GRK5: variants seen among roughly 807,000 people sequenced by gnomAD.
The protein encoded by GRK5 is g protein-coupled receptor kinase GRK5.
A neutral mutation model predicts 78.4 loss-of-function variants in GRK5; 40 were observed. The ratio of observed to expected loss-of-function variants is 0.51; its 90% CI spans 0.40 to 0.66. The LOEUF is 0.66. Ranked by LOEUF, GRK5 falls within the 30% of genes least tolerant of loss-of-function variation. GRK5 has a pLI of 0.00. For synonymous variants in GRK5, 289 were observed against 296.8 expected (o/e 0.97, Z 0.27); for missense variants, 598 against 759.9 (o/e 0.79, Z 2.50).
In GRK5 at chr10:119,396,810, G is replaced by A. The variant is rs765369530; in HGVS notation, c.339+38G>A. On this transcript the variant is annotated intron_variant, in intron 4 of 15. Transcript: ENST00000392870. ...CCAAACCCCACAGCAGGTGGCACAG[G>A]AGGCCTTATGCAAAAATAGGAGCCC... 35 of 1,499,864 alleles carry A rather than the reference G, an allele frequency of 2.3e-5. No individual in the cohort carries two copies. The Admixed American group carries it at 5.5e-4, about 24-fold the overall frequency. The allele number at this position is 1,499,864 out of a possible 1,614,324, so 92.9% of individuals were successfully genotyped here. A position where few individuals can be genotyped will look rare whatever the true frequency, so the allele number is the denominator to read the frequency against.
chr10:119,289,869 C>T (rs367734242), intron 1 of GRK5, among the ~76,000 whole-genome samples: 137 of 152,298 alleles, frequency 9.0e-4, no homozygotes, highest in African/African-American at 3.1e-3. Context: ...TGTCAGGATA[C>T]GCCTGACACA....
At chr10:119,252,536 A>G (rs1849220977) in intron 1 of GRK5, among the ~76,000 whole-genome samples, 1 of 152,084 alleles carries the variant, frequency 6.6e-6, no homozygotes, top group Non-Finnish European at 1.5e-5. Flanking sequence ...AGACCTGGGC[A>G]TGGTTTTAGT....
chr10:119,402,122 T>C lies in GRK5; in HGVS notation c.339+5350T>C, dbSNP rs138983175. Among the ~76,000 whole-genome samples, 384 of 152,302 alleles carry C rather than the reference T, an allele frequency of 2.5e-3. 1 individual carries two copies. Among genetic ancestry groups the C allele is most frequent in the African/African-American group, 8.6e-3 (356 of 41,566 alleles). On this transcript the variant is annotated intron_variant, in intron 4 of 15. Coordinates refer to ENST00000392870, the MANE Select transcript of GRK5 (RefSeq NM_005308.3). Reference sequence around the variant, plus strand: ...CAACACTCATCACTTCCTCTCGCAGTCCATGGCCAGTGGGGAGGCTGGGAA... The same window carrying C: ...CAACACTCATCACTTCCTCTCGCAGCCCATGGCCAGTGGGGAGGCTGGGAA...
intron 12 of GRK5, among the ~76,000 whole-genome samples, chr10:119,444,120 C>A (rs976967789): frequency 6.6e-6 from 1 of 152,166 alleles, no homozygotes; most frequent in African/African-American, 2.4e-5. Context: ...CCGGCCCCTG[C>A]CCGTGGGCCT....
At chr10:119,335,739 T>A (rs150139148) in intron 2 of GRK5, among the ~76,000 whole-genome samples, 115 of 152,250 alleles carry the variant, frequency 7.6e-4, no homozygotes, top group Non-Finnish European at 1.5e-3. Context: ...ATTGCTGCAG[T>A]CACCGGACTT....
At chr10:119,440,167 C>G (rs192143454) in intron 10 of GRK5, among the ~76,000 whole-genome samples, 274 of 152,248 alleles carry the variant, frequency 1.8e-3, no homozygotes, top group African/African-American at 6.3e-3. Flanking sequence ...TCCTGCCCTG[C>G]CCTGCCCACC....
At chr10:119,317,885 C>G (rs984042295) in intron 1 of GRK5, among the ~76,000 whole-genome samples, 1 of 152,152 alleles carries the variant, frequency 6.6e-6, no homozygotes, top group South Asian at 2.1e-4. Context: ...TTTCTCTTGA[C>G]TTACAGCAGT....
In GRK5 at chr10:119,445,316, C is replaced by T. The variant is rs2133911728; in HGVS notation, c.1266+1564C>T. Among the ~76,000 whole-genome samples the T allele has an allele frequency of 6.6e-6, 1 of 152,256 alleles. No individual in the cohort carries two copies. The highest frequency in any genetic ancestry group is 1.5e-5 in the Non-Finnish European group (1 of 68,020). On this transcript the variant is annotated intron_variant, in intron 12 of 15. Transcript: ENST00000392870. The surrounding 1 kb of genome is among the most constrained non-coding windows in gnomAD (Gnocchi z 4.1). ...GGTCAGACAGCCGTGGGCAGAGCAT[C>T]ACCAAATGTCCCAGGTCAGGGCCAG... is the stretch of plus-strand genomic sequence containing the variant.
intron 1 of GRK5, among the ~76,000 whole-genome samples, chr10:119,220,706 G>A (rs541874329): frequency 6.6e-6 from 1 of 151,568 alleles, no homozygotes; most frequent in Admixed American, 6.6e-5. Context: ...ATGGTGGCAC[G>A]CGCCTGTAAT....
At chr10:119,226,106 C>CA (rs1848734052) in intron 1 of GRK5, among the ~76,000 whole-genome samples, 1 of 151,800 alleles carries the variant, frequency 6.6e-6, no homozygotes, top group African/African-American at 2.4e-5. Flanking sequence ...TTCAGCCTCC[C>CA]AAAGTGCTGG....
At position 119,452,317 on chromosome 10, in the gene GRK5, G is replaced by T; in HGVS notation, c.1405-354G>T. The T allele has an allele frequency of 3.7e-6, 1 of 268,062 alleles. No individual in the cohort carries two copies. Among genetic ancestry groups the T allele is most frequent in the Admixed American group, 4.7e-5 (1 of 21,224 alleles). 16.6% of individuals were successfully genotyped at this position (268,062 alleles called of 1,614,324 possible). On this transcript the variant is annotated intron_variant, in intron 13 of 15. Coordinates refer to ENST00000392870, the MANE Select transcript of GRK5 (RefSeq NM_005308.3). The surrounding 1 kb of genome is among the most constrained non-coding windows in gnomAD (Gnocchi z 4.4). The stretch of plus-strand genomic sequence containing the variant: ...TGTCCAGTATGGGTAAGGGAGTGAT[G>T]GCAGGAATGAGCCCTGGGCTGGGCA...
chr10:119,370,980 C>T (rs1851537337), intron 2 of GRK5, among the ~76,000 whole-genome samples: 1 of 145,178 alleles, frequency 6.9e-6, no homozygotes, highest in East Asian at 2.3e-4. Flanking sequence ...CCCCCCGCCC[C>T]ACTCCAGCCT....
chr10:119,303,651 T>G (rs1000444799), intron 1 of GRK5, among the ~76,000 whole-genome samples: 2 of 152,100 alleles, frequency 1.3e-5, no homozygotes, highest in East Asian at 3.8e-4. Context: ...GCTTTGGGTT[T>G]GCATAACTCT....
chr10:119,393,627 G>C (rs1167131152), intron 3 of GRK5, among the ~76,000 whole-genome samples: 2 of 152,230 alleles, frequency 1.3e-5, no homozygotes, highest in Non-Finnish European at 2.9e-5. Context: ...CTGTCCAGGG[G>C]CAGCAGGACC....
intron 1 of GRK5, among the ~76,000 whole-genome samples, chr10:119,234,666 T>TTTTTC (rs1257929413): frequency 6.6e-6 from 1 of 151,234 alleles, no homozygotes; most frequent in Admixed American, 6.6e-5. Context: ...TCCCTCCCCT[T>TTTTTC]TTTTCTTTTC....
intron 1 of GRK5, among the ~76,000 whole-genome samples, chr10:119,220,513 A>T (rs1848640206): frequency 1.3e-5 from 2 of 151,976 alleles, no homozygotes; most frequent in African/African-American, 2.4e-5. Context: ...GGTCCTTGGT[A>T]TTTTTGCTAG....
chr10:119,209,850 C>G (rs144296526), intron 1 of GRK5, among the ~76,000 whole-genome samples: 1 of 152,092 alleles, frequency 6.6e-6, no homozygotes, highest in African/African-American at 2.4e-5. Flanking sequence ...ATTTGTTTGC[C>G]TGATAGATGC....
intron 1 of GRK5, among the ~76,000 whole-genome samples, chr10:119,308,565 G>A (rs774682978): frequency 2.0e-5 from 3 of 152,240 alleles, no homozygotes; most frequent in Non-Finnish European, 4.4e-5. Context: ...GAACACAGTC[G>A]GGATGACAAA....
At chr10:119,272,575 CA>C (rs34489675) in intron 1 of GRK5, among the ~76,000 whole-genome samples, 2,042 of 97,580 alleles carry the variant, frequency 0.021, 55 homozygotes, top group African/African-American at 0.074. Flanking sequence ...GATTCTATCT[CA>C]AAAAAAAAAA....
Sources: allele counts gnomAD v4.1 joint callset (sites outside exome capture counted in the v4.1 genomes callset), GRCh38; gene constraint gnomAD v4.1.1; non-coding constraint Gnocchi (gnomAD v3.1); transcripts MANE v1.5; gene names NCBI Gene and HGNC (gene_info 2026-07-23, HGNC 2026-07-21).